Variants in AK8 observed in about 807,000 individuals in gnomAD.
AK8 encodes the protein adenylate kinase 8.
In AK8, 44 loss-of-function variants were observed where a neutral mutation model predicts 54.6. The ratio of observed to expected loss-of-function variants is 0.81; its 90% CI spans 0.63 to 1.04. The LOEUF (loss-of-function observed/expected upper bound fraction) is 1.04, where lower values mean the gene tolerates loss of function less well. AK8 is among the 50% of genes least tolerant of loss of function. The pLI is 0.00. For missense variants in AK8, 555 were observed against 613.6 expected (o/e 0.90, Z 1.01); for synonymous variants, 239 against 245.6 (o/e 0.97, Z 0.25).
At chr9:132,772,487 T>C (rs1250345153) in intron 11 of AK8, among the ~76,000 whole-genome samples, 1 of 152,188 alleles carries the variant, frequency 6.6e-6, no homozygotes. Flanking sequence ...ACACGTGCCA[T>C]GTGAGGATGC....
chr9:132,872,478 G>T (rs1190374761), intron 2 of AK8, among the ~76,000 whole-genome samples: 1 of 152,052 alleles, frequency 6.6e-6, no homozygotes, highest in African/African-American at 2.4e-5. Flanking sequence ...TTTTTTTTTA[G>T]ATAGAGTCTT....
At chr9:132,763,874 G>C (rs891722355) in intron 11 of AK8, among the ~76,000 whole-genome samples, 1 of 152,120 alleles carries the variant, frequency 6.6e-6, no homozygotes, top group African/African-American at 2.4e-5. Context: ...AGTATTAAAA[G>C]GGAAGTTTAT....
At chr9:132,865,047 T>C (rs967433748) in intron 3 of AK8, among the ~76,000 whole-genome samples, 2 of 152,076 alleles carry the variant, frequency 1.3e-5, no homozygotes, top group African/African-American at 4.8e-5. Context: ...TCTGATGAGG[T>C]TGGTCTGCAG....
At chr9:132,731,060 A>G (rs1836821257) in intron 11 of AK8, among the ~76,000 whole-genome samples, 1 of 152,212 alleles carries the variant, frequency 6.6e-6, no homozygotes, top group African/African-American at 2.4e-5. Flanking sequence ...TGAAAGACGG[A>G]TCCCAAATGT....
intron 11 of AK8, among the ~76,000 whole-genome samples, chr9:132,765,337 G>C (rs1195313923): frequency 6.8e-6 from 1 of 147,020 alleles, no homozygotes; most frequent in Non-Finnish European, 1.5e-5. Flanking sequence ...TAATCATGTG[G>C]TGCATCTCAG....
In AK8 at chr9:132,837,751, C is replaced by T. The variant is rs550804101; in HGVS notation, c.403-9025G>A. 3.3e-5 allele frequency among the ~76,000 whole-genome samples: 5 copies of T among 152,320 alleles called. No individual in the cohort carries two copies. In the South Asian group the frequency reaches 8.3e-4, roughly 25 times the overall value. On this transcript the variant is annotated intron_variant, in intron 5 of 12. Transcript: ENST00000298545. This position sits in a 1 kb window ranked among gnomAD's most constrained non-coding sequence, Gnocchi z 4.3. Reference sequence around the variant, plus strand: ...CCATATCACACCAACCAACCAACCACGCCTCAGCATCAGGGTCTCTTACAG... The same window carrying T: ...CCATATCACACCAACCAACCAACCATGCCTCAGCATCAGGGTCTCTTACAG...
chr9:132,758,796 GC>G (rs1838313993), intron 11 of AK8, among the ~76,000 whole-genome samples: 1 of 151,770 alleles, frequency 6.6e-6, no homozygotes, highest in African/African-American at 2.4e-5. Context: ...CTGTTTTTTG[GC>G]CCTTGTGTTT....
At chr9:132,780,243 C>A (rs557583990) in intron 11 of AK8, among the ~76,000 whole-genome samples, 4 of 152,148 alleles carry the variant, frequency 2.6e-5, no homozygotes, top group Non-Finnish European at 5.9e-5. Context: ...AGCAGAGATG[C>A]CCTGTGCAAA....
chr9:132,862,303 T>C (rs1437127996), intron 4 of AK8, among the ~76,000 whole-genome samples: 1 of 150,600 alleles, frequency 6.6e-6, no homozygotes, highest in African/African-American at 2.4e-5. Flanking sequence ...GCTGGGGGTC[T>C]GTCGAAGTCA....
At position 132,803,416 on chromosome 9, in the gene AK8, C is replaced by T. The variant is rs1158256447; in HGVS notation, c.980-10641G>A. ...CCCATATATAAAATATATTCACACC[C>T]GACAGGACTTGCTGTGAGTACCATT... On this transcript the variant is annotated intron_variant, in intron 10 of 12. Transcript: ENST00000298545. This position sits in a 1 kb window ranked among gnomAD's most constrained non-coding sequence, Gnocchi z 4.4. Among the ~76,000 whole-genome samples the T allele has an allele frequency of 2.0e-5, 3 of 151,988 alleles. No individual in the cohort carries two copies. Among genetic ancestry groups the T allele is most frequent in the East Asian group, 1.9e-4 (1 of 5,204 alleles).
intron 2 of AK8, among the ~76,000 whole-genome samples, chr9:132,872,953 A>G (rs932450482): frequency 4.6e-5 from 7 of 152,154 alleles, no homozygotes; most frequent in Non-Finnish European, 1.0e-4. Context: ...CTGGGACTAC[A>G]GGCGCCCGCC....
At chr9:132,825,649 C>T (rs142668945) in intron 8 of AK8, among the ~76,000 whole-genome samples, 2 of 152,250 alleles carry the variant, frequency 1.3e-5, no homozygotes, top group East Asian at 3.9e-4. Context: ...CAATCCACGC[C>T]GGCAAACACC....
At position 132,878,051 on chromosome 9, in the gene AK8, T is replaced by G; in HGVS notation, c.84+121A>C. 6.5e-7 allele frequency: 1 copy of G among 1,531,638 alleles called. No individual in the cohort carries two copies. The highest frequency in any genetic ancestry group is 8.8e-7 in the Non-Finnish European group (1 of 1,133,118). 94.9% of individuals were successfully genotyped at this position (1,531,638 alleles called of 1,614,324 possible). On this transcript the variant is annotated intron_variant, in intron 1 of 12. Coordinates refer to ENST00000298545, the MANE Select transcript of AK8 (RefSeq NM_152572.3). The surrounding 1 kb of genome is among the most constrained non-coding windows in gnomAD (Gnocchi z 4.7). ...CGACACACGAATCGTACATCCCGAG[T>G]TGGGCTGCTTCGTGGGCGCGCGACT...
rs1564435605 is a variant in AK8 at position 132,846,518 on chromosome 9, TG to T, written c.402+8338del. Among the ~76,000 whole-genome samples, 14 of 55,862 alleles carry T rather than the reference TG, an allele frequency of 2.5e-4. No individual in the cohort carries two copies. The East Asian group carries it at 5.9e-3, about 24-fold the overall frequency. The allele number at this position is 55,862 out of a possible 152,430, so 36.6% of individuals were successfully genotyped here. A position where few individuals can be genotyped will look rare whatever the true frequency, so the allele number is the denominator to read the frequency against. On this transcript the variant is annotated intron_variant, in intron 5 of 12. Transcript: ENST00000298545. The stretch of plus-strand genomic sequence containing the variant: ...ATGAGAGAATAGATGAATGAATGAA[TG>T]AATGAATGAATGAATGAATGAATGA...
intron 9 of AK8, among the ~76,000 whole-genome samples, chr9:132,821,488 A>C (rs146276811): frequency 2.0e-5 from 3 of 152,206 alleles, no homozygotes; most frequent in African/African-American, 7.2e-5. Context: ...TTTTATTCTA[A>C]ATGTCCTGAT....
intron 9 of AK8, 101 bp downstream of exon 9, chr9:132,823,103 TC>T (rs887062070): frequency 3.3e-5 from 47 of 1,441,874 alleles, no homozygotes; most frequent in East Asian, 1.0e-4. Flanking sequence ...TACTGACCCT[TC>T]CCCCCCAACA....
chr9:132,819,985 T>G (rs1162422350), intron 9 of AK8, among the ~76,000 whole-genome samples: 1 of 151,484 alleles, frequency 6.6e-6, no homozygotes, highest in Non-Finnish European at 1.5e-5. Flanking sequence ...ATAGAGAGAT[T>G]CCCGTCTTTA....
intron 10 of AK8, among the ~76,000 whole-genome samples, chr9:132,806,878 C>T (rs543967270): frequency 1.3e-5 from 2 of 152,194 alleles, no homozygotes; most frequent in African/African-American, 4.8e-5. Context: ...AGAAAGGGTG[C>T]AAATTAGCTT....
chr9:132,862,874 G>T (rs1437651044), intron 4 of AK8, among the ~76,000 whole-genome samples: 1 of 152,112 alleles, frequency 6.6e-6, no homozygotes, highest in Non-Finnish European at 1.5e-5. Context: ...GTCACGAGTG[G>T]CTGGGAGCAT....
Sources: allele counts gnomAD v4.1 joint callset (sites outside exome capture counted in the v4.1 genomes callset), GRCh38; gene constraint gnomAD v4.1.1; non-coding constraint Gnocchi (gnomAD v3.1); transcripts MANE v1.5; gene names NCBI Gene and HGNC (gene_info 2026-07-23, HGNC 2026-07-21).